KMT5B: variants seen among roughly 807,000 people sequenced by gnomAD.
KMT5B encodes the protein histone-lysine N-methyltransferase KMT5B.
In KMT5B, 10 loss-of-function variants were observed where a neutral mutation model predicts 83.2. The observed-to-expected ratio is 0.12, with a 90% CI of 0.07 to 0.20. The LOEUF (loss-of-function observed/expected upper bound fraction) is 0.20, where lower values mean the gene tolerates loss of function less well. Among genes scored for constraint, KMT5B ranks in the 10% least tolerant of loss-of-function variants. KMT5B has a pLI of 1.00. For synonymous variants in KMT5B, 349 were observed against 388.8 expected (o/e 0.90, Z 1.20); for missense variants, 753 against 1,067.2 (o/e 0.71, Z 4.10).
At chr11:68,206,848 A>T (rs1270881542) in intron 1 of KMT5B, among the ~76,000 whole-genome samples, 1 of 152,122 alleles carries the variant, frequency 6.6e-6, no homozygotes, top group Non-Finnish European at 1.5e-5. Flanking sequence ...ACAAATGTGC[A>T]AAAGAATAAT....
At chr11:68,206,010 C>T (rs1860062888) in intron 1 of KMT5B, among the ~76,000 whole-genome samples, 1 of 152,236 alleles carries the variant, frequency 6.6e-6, no homozygotes, top group Admixed American at 6.5e-5. Flanking sequence ...ACAGAAAATA[C>T]TGCTTCATTC....
At chr11:68,170,550 C>T (rs988197523) in intron 9 of KMT5B, among the ~76,000 whole-genome samples, 2 of 152,168 alleles carry the variant, frequency 1.3e-5, no homozygotes, top group Non-Finnish European at 2.9e-5. Flanking sequence ...CTTGATGAGA[C>T]ATAAGAAGAG....
At chr11:68,166,173 T>G (rs1001907697) in intron 10 of KMT5B, 1 of 1,348,020 alleles carries the variant, frequency 7.4e-7, no homozygotes, top group Admixed American at 3.4e-5. Context: ...TAGTGGCAAC[T>G]ACAGAAAACT....
At chr11:68,182,894 G>A (rs185169847) in intron 3 of KMT5B, among the ~76,000 whole-genome samples, 49 of 151,878 alleles carry the variant, frequency 3.2e-4, no homozygotes, top group Non-Finnish European at 6.0e-4. Flanking sequence ...GTGCCACCAC[G>A]CCTGGCTAAA....
At chr11:68,169,602 A>G (rs1855650953) in intron 9 of KMT5B, among the ~76,000 whole-genome samples, 1 of 152,192 alleles carries the variant, frequency 6.6e-6, no homozygotes, top group African/African-American at 2.4e-5. Flanking sequence ...CAACCCTACA[A>G]AATAGGTTCT....
At chr11:68,160,707 C>A (rs1322977294) in intron 10 of KMT5B, among the ~76,000 whole-genome samples, 1 of 152,232 alleles carries the variant, frequency 6.6e-6, no homozygotes, top group Non-Finnish European at 1.5e-5. Context: ...TATCAAACCA[C>A]CAAGAATAGA....
At chr11:68,199,821 G>A (rs1859199593) in intron 1 of KMT5B, among the ~76,000 whole-genome samples, 1 of 152,198 alleles carries the variant, frequency 6.6e-6, no homozygotes, top group Non-Finnish European at 1.5e-5. Flanking sequence ...CTTTTCTGAA[G>A]GTTCCGCTGA....
At chr11:68,196,281 AG>A (rs1858699117) in intron 1 of KMT5B, among the ~76,000 whole-genome samples, 1 of 152,074 alleles carries the variant, frequency 6.6e-6, no homozygotes, top group East Asian at 1.9e-4. Context: ...CTTAAGTCCC[AG>A]TTCAGTGTTC....
intron 9 of KMT5B, among the ~76,000 whole-genome samples, 194 bp from the exon 10 acceptor site, chr11:68,167,372 T>C (rs1452241087): frequency 6.6e-6 from 1 of 152,054 alleles, no homozygotes; most frequent in Non-Finnish European, 1.5e-5. Flanking sequence ...TAAATCTATA[T>C]TTAAAATAAT....
chr11:68,158,040 C>T lies in KMT5B; in HGVS notation c.2306G>A (p.Gly769Glu). Residue 769 changes from glycine (G) to glutamate (E), a missense_variant, in exon 11 of 11, where the codon GGA (glycine) becomes GAA (glutamate). Gly to Glu is a moderately conservative substitution (Grantham distance 98). This residue lies in a region of KMT5B where 161 missense variants were observed against 195.1 expected (regional missense o/e 0.83). Transcript: ENST00000304363. ...TAATTTTGTAGAACTACTGCCTGAT[C>T]CTGAGTTAAATCCATTATTAAGCTT... ...VAKLNNGFNS[G>E]SGSSSTKLKI... 6.2e-7 allele frequency: 1 copy of T among 1,614,152 alleles called. No homozygotes were observed. Among genetic ancestry groups the T allele is most frequent in the African/African-American group, 1.3e-5 (1 of 75,052 alleles).
intron 10 of KMT5B, among the ~76,000 whole-genome samples, chr11:68,159,808 G>A (rs961579638): frequency 6.6e-6 from 1 of 152,242 alleles, no homozygotes; most frequent in African/African-American, 2.4e-5. Context: ...AGGAACAGAA[G>A]AGGCAACCAG....
At position 68,156,535 on chromosome 11, in the gene KMT5B, G is replaced by A. The variant is rs1428145370; in HGVS notation, c.*1153C>T. 2.0e-5 allele frequency: 3 copies of A among 152,556 alleles called. No individual in the cohort carries two copies. In the East Asian group the frequency reaches 5.8e-4, roughly 29 times the overall value. The allele number at this position is 152,556 out of a possible 1,614,324, so 9.5% of individuals were successfully genotyped here. A position where few individuals can be genotyped will look rare whatever the true frequency, so the allele number is the denominator to read the frequency against. On this transcript the variant is annotated 3_prime_UTR_variant, in exon 11 of 11. Transcript: ENST00000304363. ...AGCCAAGAACTCCCACTGATGCAGT[G>A]CTTAAAACTATATATTTATAATTTC... is the stretch of plus-strand genomic sequence containing the variant.
intron 4 of KMT5B, chr11:68,179,405 T>C (rs1374381105): frequency 2.4e-6 from 3 of 1,248,078 alleles, no homozygotes; most frequent in Non-Finnish European, 2.1e-6. Flanking sequence ...AATAAAAATG[T>C]CATTTACAAT....
rs368207944 is a variant in KMT5B, at chr11:68,209,867, CTT to C, written c.-77+3269_-77+3270del. Among the ~76,000 whole-genome samples the C allele has an allele frequency of 1.0e-3, 142 of 141,262 alleles. 1 individual carries two copies. The highest frequency in any genetic ancestry group is 7.8e-3 in the South Asian group (35 of 4,496). The allele number at this position is 141,262 out of a possible 152,430, so 92.7% of individuals were successfully genotyped here. On this transcript the variant is annotated intron_variant, in intron 1 of 10. Transcript: ENST00000304363. ...GATCTAGGTACTGTTTTCTTTCCCC[CTT>C]TTTTTTTTTTTTTAAGAGACGGAGT... is the stretch of plus-strand genomic sequence containing the variant.
intron 3 of KMT5B, 60 bp from the exon 4 acceptor site, chr11:68,180,260 T>C: frequency 1.3e-6 from 2 of 1,520,000 alleles, no homozygotes; most frequent in East Asian, 4.9e-5. Context: ...TCTGTACTTG[T>C]AATTTCTAAA....
intron 5 of KMT5B, 75 bp downstream of exon 5, chr11:68,174,941 AAC>A (rs1391866679): frequency 5.4e-5 from 70 of 1,290,066 alleles, no homozygotes; most frequent in Non-Finnish European, 7.0e-5. Context: ...TTTCAGTATT[AAC>A]TAACATTTAG....
chr11:68,176,907 T>C (rs1182924414), intron 4 of KMT5B, among the ~76,000 whole-genome samples: 1 of 152,218 alleles, frequency 6.6e-6, no homozygotes, highest in East Asian at 1.9e-4. Context: ...ACTCTGACAT[T>C]TAAAATTGTA....
intron 1 of KMT5B, among the ~76,000 whole-genome samples, chr11:68,204,635 T>G (rs1276701220): frequency 3.4e-5 from 5 of 147,698 alleles, no homozygotes; most frequent in African/African-American, 5.1e-5. Flanking sequence ...TTTTTTTTTT[T>G]GACACAGAGT....
intron 2 of KMT5B, 33 bp downstream of exon 2, chr11:68,189,884 A>G: frequency 6.3e-7 from 1 of 1,589,952 alleles, no homozygotes; most frequent in Non-Finnish European, 8.6e-7. Context: ...CCATATCACA[A>G]TCAGAACATT....
Sources: allele counts gnomAD v4.1 joint callset (sites outside exome capture counted in the v4.1 genomes callset), GRCh38; gene constraint gnomAD v4.1.1; regional missense constraint gnomAD v4.1.1; transcripts MANE v1.5; gene names NCBI Gene and HGNC (gene_info 2026-07-23, HGNC 2026-07-21).